Variants in UTY observed in about 807,000 individuals in gnomAD.
UTY encodes histone demethylase UTY.
Under a neutral mutation model 32.5 loss-of-function variants are expected in UTY, and 12 were observed. That is an observed-to-expected ratio of 0.37 (90% CI 0.24 to 0.60). The LOEUF (loss-of-function observed/expected upper bound fraction) is 0.60, where lower values mean the gene tolerates loss of function less well. Among genes scored for constraint, UTY ranks in the 20% least tolerant of loss-of-function variants. The probability of loss-of-function intolerance (pLI) is 0.69; values close to 1 mark genes in which losing one functional copy is unlikely to be tolerated. For missense variants in UTY, 303 were observed against 299.2 expected (o/e 1.01, Z -0.09); for synonymous variants, 131 against 103.4 (o/e 1.27, Z -1.62).
chrY:13,277,169 G>A, intron 27 of UTY, among the ~76,000 whole-genome samples: 1 of 34,260 alleles, frequency 2.9e-5, no homozygotes, highest in Non-Finnish European at 7.3e-5. Flanking sequence ...AGAGTTAGAA[G>A]ATTAAAATGT....
chrY:13,313,029 A>G, intron 21 of UTY, among the ~76,000 whole-genome samples: 1 of 33,155 alleles, frequency 3.0e-5, no homozygotes, highest in African/African-American at 1.2e-4. Context: ...CTACCATTTG[A>G]CCCAGCAATC....
intron 27 of UTY, among the ~76,000 whole-genome samples, chrY:13,278,673 G>A: frequency 3.0e-5 from 1 of 33,360 alleles, no homozygotes; most frequent in South Asian, 6.8e-4. Flanking sequence ...GAAGTAGAGG[G>A]AAGAGTGGGG....
chrY:13,292,886 A>G (rs2057834867), intron 27 of UTY, among the ~76,000 whole-genome samples: 1 of 33,757 alleles, frequency 3.0e-5, no homozygotes, highest in Non-Finnish European at 7.4e-5. Flanking sequence ...GAACACTGGT[A>G]GAAAAATCCT....
chrY:13,244,908 A>G, downstream of UTY, among the ~76,000 whole-genome samples: 1 of 33,620 alleles, frequency 3.0e-5, no homozygotes, highest in East Asian at 7.6e-4. Context: ...TGCTTTGTCC[A>G]ATATTAAGAC....
chrY:13,432,373 T>C, intron 4 of UTY, among the ~76,000 whole-genome samples: 1 of 33,245 alleles, frequency 3.0e-5, no homozygotes, highest in African/African-American at 1.2e-4. Context: ...ATTTGAGGAA[T>C]CCAAGTATTC....
At chrY:13,267,359 C>T in intron 27 of UTY, among the ~76,000 whole-genome samples, 1 of 32,671 alleles carries the variant, frequency 3.1e-5, no homozygotes, top group Non-Finnish European at 7.5e-5. Flanking sequence ...TATCTGATTT[C>T]CATTTGTTTG....
intron 23 of UTY, 110 bp from the exon 24 acceptor site, chrY:13,305,657 A>G: frequency 3.2e-6 from 1 of 315,794 alleles, no homozygotes; most frequent in Non-Finnish European, 4.3e-6. Context: ...TTTTACCTGT[A>G]TAGTCAGTAG....
intron 27 of UTY, among the ~76,000 whole-genome samples, chrY:13,275,942 A>G: frequency 2.9e-5 from 1 of 34,062 alleles, no homozygotes; most frequent in Non-Finnish European, 7.3e-5. Flanking sequence ...ACATGATATA[A>G]GGCTACAATA....
chrY:13,466,641 G>GC (rs2077936961), intron 3 of UTY, among the ~76,000 whole-genome samples: 17 of 33,262 alleles, frequency 5.1e-4, no homozygotes, highest in African/African-American at 2.0e-3. Flanking sequence ...AGTCATTCTT[G>GC]GAGTAATAGT....
chrY:13,420,625 A>C, intron 4 of UTY, among the ~76,000 whole-genome samples: 1 of 33,092 alleles, frequency 3.0e-5, no homozygotes, highest in Admixed American at 2.8e-4. Flanking sequence ...TTAGACTCTA[A>C]ATGTAACACA....
At chrY:13,426,831 A>G in intron 4 of UTY, among the ~76,000 whole-genome samples, 1 of 33,650 alleles carries the variant, frequency 3.0e-5, no homozygotes, top group Non-Finnish European at 7.4e-5. Context: ...TAAAAAAAAA[A>G]AGTCTTCAAC....
chrY:13,477,162 A>G, intron 2 of UTY, among the ~76,000 whole-genome samples: 1 of 33,491 alleles, frequency 3.0e-5, no homozygotes, highest in Non-Finnish European at 7.4e-5. Flanking sequence ...TATGGTTTGA[A>G]TATGTCCCCC....
intron 4 of UTY, among the ~76,000 whole-genome samples, chrY:13,421,097 T>C: frequency 3.0e-5 from 1 of 33,285 alleles, no homozygotes. Flanking sequence ...AAGACATATA[T>C]GCAGCCAACA....
At chrY:13,246,288 TTTG>T (rs2053947181), downstream of UTY, among the ~76,000 whole-genome samples, 3 of 33,566 alleles carry the variant, frequency 8.9e-5, no homozygotes, top group Admixed American at 5.4e-4. Context: ...TAGTACTCTT[TTTG>T]TTATTTATTT....
chrY:13,465,239 C>T, intron 3 of UTY, among the ~76,000 whole-genome samples: 1 of 33,687 alleles, frequency 3.0e-5, no homozygotes, highest in Non-Finnish European at 7.4e-5. Flanking sequence ...ACAAAAAGAA[C>T]GTCATGTGCC....
chrY:13,455,063 T>C (rs2076684098), intron 3 of UTY, among the ~76,000 whole-genome samples: 1 of 32,044 alleles, frequency 3.1e-5, no homozygotes. Flanking sequence ...AATGCATTAT[T>C]CCACTTATAA....
intron 4 of UTY, among the ~76,000 whole-genome samples, chrY:13,415,409 A>G (rs560858730): frequency 6.0e-5 from 2 of 33,555 alleles, no homozygotes; most frequent in African/African-American, 1.2e-4. Context: ...TAATTCACAC[A>G]TAAGTGTTTA....
chrY:13,419,227 T>A lies in UTY; in HGVS notation c.376-4434A>T. On this transcript the variant is annotated intron_variant, in intron 4 of 29. Transcript: ENST00000545955. Reference sequence around the variant, plus strand: ...CACACTGTCTCCACTGGATTGAGCATCCCAGAGAGTTCCCCCTTTCCACAT... The same window carrying A: ...CACACTGTCTCCACTGGATTGAGCAACCCAGAGAGTTCCCCCTTTCCACAT... Among the ~76,000 whole-genome samples the A allele has an allele frequency of 8.9e-5, 3 of 33,733 alleles. No homozygotes were observed. The South Asian group carries it at 2.0e-3, about 22-fold the overall frequency. 90.5% of individuals were successfully genotyped at this position (33,733 alleles called of 37,273 possible).
At chrY:13,404,179 A>T in intron 6 of UTY, among the ~76,000 whole-genome samples, 1 of 33,358 alleles carries the variant, frequency 3.0e-5, no homozygotes, top group Non-Finnish European at 7.4e-5. Context: ...CATCTAATCC[A>T]TTCAGCAATG....
Sources: gnomAD v4.1 joint callset for allele counts (sites outside exome capture counted in the v4.1 genomes callset) on GRCh38, gnomAD v4.1.1 for gene constraint, MANE v1.5 for transcripts, NCBI Gene and HGNC (gene_info 2026-07-23, HGNC 2026-07-21) for gene names.